Variants in MNAT1 observed in about 807,000 individuals in gnomAD.
The protein encoded by MNAT1 is CDK-activating kinase assembly factor MAT1.
In MNAT1, 43 loss-of-function variants were observed where a neutral mutation model predicts 42.0. That is an observed-to-expected ratio of 1.02 (90% CI 0.80 to 1.32). MNAT1 has a LOEUF of 1.32. Among genes scored for constraint, MNAT1 ranks in the 40% most tolerant of loss-of-function variants. MNAT1 has a pLI of 0.00. For missense variants in MNAT1, 306 were observed against 350.4 expected, an observed-to-expected ratio of 0.87 and a Z score of 1.01; for synonymous variants, 118 against 120.0, an observed-to-expected ratio of 0.98 and a Z score of 0.11.
chr14:60,918,735 A>AATATATAT (rs140364759), intron 7 of MNAT1, among the ~76,000 whole-genome samples: 50 of 18,454 alleles, frequency 2.7e-3, no homozygotes, highest in African/African-American at 3.3e-3. Context: ...TCCAGATGAG[A>AATATATAT]ATATATATAT....
chr14:60,905,092 G>A (rs2225199), intron 7 of MNAT1, among the ~76,000 whole-genome samples: 139,909 of 151,364 alleles, frequency 0.92, 65,190 homozygotes, highest in Non-Finnish European at 0.99. Context: ...TTTGGTTGTC[G>A]GTTAGCAAAT....
chr14:60,939,068 C>A (rs546534813), intron 7 of MNAT1, among the ~76,000 whole-genome samples: 1 of 152,026 alleles, frequency 6.6e-6, no homozygotes, highest in East Asian at 1.9e-4. Context: ...TCTGTGGGAT[C>A]GGTGGTGATA....
chr14:60,951,541 T>A (rs2036385033), intron 7 of MNAT1, among the ~76,000 whole-genome samples: 1 of 152,154 alleles, frequency 6.6e-6, no homozygotes, highest in Non-Finnish European at 1.5e-5. Context: ...CCATTGAAAC[T>A]TTTATTCCAA....
intron 7 of MNAT1, among the ~76,000 whole-genome samples, chr14:60,886,999 T>C (rs1566535618): frequency 2.0e-5 from 3 of 152,200 alleles, no homozygotes; most frequent in Admixed American, 6.6e-5. Context: ...CATAGGCCTT[T>C]CATAAATGAC....
chr14:60,792,092 C>A (rs956777958), intron 1 of MNAT1, among the ~76,000 whole-genome samples: 1 of 152,104 alleles, frequency 6.6e-6, no homozygotes, highest in Non-Finnish European at 1.5e-5. Context: ...ACTATTGGAA[C>A]AAAGTCTATT....
At position 60,818,762 on chromosome 14, in the gene MNAT1, A is replaced by T. The variant is rs775165433; in HGVS notation, c.602A>T (p.His201Leu). The change falls in exon 6 of 8, where the codon CAT becomes CTT. Residue 201 changes from histidine (H) to leucine (L), a missense_variant. His to Leu is a moderately conservative substitution (Grantham distance 99, BLOSUM62 -3). Around this residue, in one of 3 missense-constraint regions of MNAT1, gnomAD observed 116 missense variants for 139.6 expected, o/e 0.83. Coordinates refer to ENST00000261245, the MANE Select transcript of MNAT1 (RefSeq NM_002431.4). ...CCTGTTGCTCTGCTTTTGGCTCAGCATAAAGATAGATCTACCCAATTAGAA... is the reference window on the plus strand; with the variant it reads ...CCTGTTGCTCTGCTTTTGGCTCAGCTTAAAGATAGATCTACCCAATTAGAA... ...DLPVALLLAQ[H>L]KDRSTQLEMQ... 6.2e-7 allele frequency: 1 copy of T among 1,612,630 alleles called. No homozygotes were observed. The highest frequency in any genetic ancestry group is 2.2e-5 in the East Asian group (1 of 44,800).
intron 6 of MNAT1, among the ~76,000 whole-genome samples, chr14:60,836,019 A>G (rs540275703): frequency 5.9e-5 from 9 of 151,670 alleles, no homozygotes; most frequent in Admixed American, 2.0e-4. Flanking sequence ...CTTCCCCTTG[A>G]TCGATTTGGT....
At chr14:60,958,354 C>T (rs2036522538) in intron 7 of MNAT1, among the ~76,000 whole-genome samples, 1 of 152,140 alleles carries the variant, frequency 6.6e-6, no homozygotes, top group African/African-American at 2.4e-5. Context: ...TACTCCTGGT[C>T]TGCAAGATTT....
intron 7 of MNAT1, among the ~76,000 whole-genome samples, chr14:60,921,900 C>T (rs1282333700): frequency 1.3e-5 from 2 of 152,120 alleles, no homozygotes; most frequent in African/African-American, 4.8e-5. Context: ...TATAGTTTTA[C>T]ATACAGTGTT....
At chr14:60,940,496 C>T (rs2036123673) in intron 7 of MNAT1, among the ~76,000 whole-genome samples, 1 of 152,232 alleles carries the variant, frequency 6.6e-6, no homozygotes, top group Non-Finnish European at 1.5e-5. Flanking sequence ...TGGCTCACTG[C>T]AAGCTCTGCC....
chr14:60,753,469 T>C (rs1176206064), intron 1 of MNAT1: 3 of 152,250 alleles, frequency 2.0e-5, no homozygotes, highest in Non-Finnish European at 1.5e-5. Context: ...ATTTTTTGGC[T>C]AGAGGTGTCA....
At position 60,796,151 on chromosome 14, in the gene MNAT1, A is replaced by G; in HGVS notation, c.90-66A>G. The stretch of plus-strand genomic sequence containing the variant: ...CACTCTCCTTATCCCATAGGGGCAA[A>G]CTATTCAGATGTGTTGTAGATTTGA... On this transcript the variant is annotated intron_variant, in intron 1 of 7. Transcript: ENST00000261245. 4 of 1,436,292 alleles carry G rather than the reference A, an allele frequency of 2.8e-6. No individual in the cohort carries two copies. The Admixed American group carries it at 6.6e-5, about 24-fold the overall frequency. 89.0% of individuals were successfully genotyped at this position (1,436,292 alleles called of 1,614,324 possible).
chr14:60,747,161 T>A (rs898714493), intron 1 of MNAT1, among the ~76,000 whole-genome samples: 16 of 151,156 alleles, frequency 1.1e-4, no homozygotes, highest in African/African-American at 3.4e-4. Context: ...ATTTTTTGTA[T>A]TTTTAGTAGA....
At chr14:60,905,081 A>G (rs1200349066) in intron 7 of MNAT1, among the ~76,000 whole-genome samples, 1 of 140,474 alleles carries the variant, frequency 7.1e-6, no homozygotes, top group Non-Finnish European at 1.5e-5. Context: ...TTTGTTATTC[A>G]TTTGGTTGTC....
In MNAT1 at chr14:60,780,304, T is replaced by G. The variant is rs922831904; in HGVS notation, c.90-15913T>G. On this transcript the variant is annotated intron_variant, in intron 1 of 7. Transcript: ENST00000261245. ...AGTTTGATATTGAGTGTGATAAGAC[T>G]GCAAAAGATGACAGTGCACCCAGAG... The G allele has an allele frequency of 2.6e-6, 4 of 1,517,124 alleles. No individual in the cohort carries two copies. The African/African-American group carries it at 5.5e-5, about 21-fold the overall frequency. 94.0% of individuals were successfully genotyped at this position (1,517,124 alleles called of 1,614,324 possible).
At chr14:60,917,883 C>T (rs963877085) in intron 7 of MNAT1, among the ~76,000 whole-genome samples, 8 of 152,106 alleles carry the variant, frequency 5.3e-5, no homozygotes, top group African/African-American at 1.7e-4. Flanking sequence ...CCGCTTTGGC[C>T]TCCCAAAGTG....
rs561546243 is a variant in MNAT1, at chr14:60,739,354, T to C, written c.89+4403T>C. Among the ~76,000 whole-genome samples the C allele has an allele frequency of 2.0e-5, 3 of 152,278 alleles. No individual in the cohort carries two copies. The East Asian group carries it at 5.8e-4, about 29-fold the overall frequency. ...AGAGTGTGAATATCATTGGGCTATCTTGAAGGCTGGCTTCCGCAGGATTTT... is the reference window on the plus strand; with the variant it reads ...AGAGTGTGAATATCATTGGGCTATCCTGAAGGCTGGCTTCCGCAGGATTTT... On this transcript the variant is annotated intron_variant, in intron 1 of 7. Coordinates refer to ENST00000261245, the MANE Select transcript of MNAT1 (RefSeq NM_002431.4).
chr14:60,822,177 A>C (rs1383906491), intron 6 of MNAT1, among the ~76,000 whole-genome samples: 1 of 152,226 alleles, frequency 6.6e-6, no homozygotes, highest in Non-Finnish European at 1.5e-5. Flanking sequence ...CATCAGATCT[A>C]CAACCTTTTT....
Position 60,838,327 on chromosome 14 carries a change from A to G in MNAT1, c.687+19480A>G, listed in dbSNP as rs550750024. 1.3e-3 allele frequency among the ~76,000 whole-genome samples: 200 copies of G among 151,826 alleles called. 1 individual carries two copies. Among genetic ancestry groups the G allele is most frequent in the Non-Finnish European group, 2.4e-3 (162 of 67,910 alleles). On this transcript the variant is annotated intron_variant, in intron 6 of 7. Transcript: ENST00000261245. ...ATTTTTTTTTGTTTTTAGGAGAGAC[A>G]GGATCTCCTTATGTTGCTCAGGCTA...
Sources: gnomAD v4.1 joint callset for allele counts (sites outside exome capture counted in the v4.1 genomes callset) on GRCh38, gnomAD v4.1.1 for gene constraint, gnomAD v4.1.1 regional missense constraint, MANE v1.5 for transcripts, NCBI Gene and HGNC (gene_info 2026-07-23, HGNC 2026-07-21) for gene names.